The following EVI5 variants were observed in gnomAD, a reference collection of about 807,000 sequenced individuals.
EVI5 encodes the protein ecotropic viral integration site 5, also known as ecotropic viral integration site 5 protein homolog.
In EVI5, 73 loss-of-function variants were observed where a neutral mutation model predicts 112.0. The observed-to-expected ratio is 0.65, with a 90% CI of 0.54 to 0.79. The LOEUF (loss-of-function observed/expected upper bound fraction) is 0.79. Ranked by LOEUF, EVI5 falls within the 30% of genes least tolerant of loss-of-function variation. The pLI is 0.00. For synonymous variants in EVI5, 305 were observed against 319.9 expected, an observed-to-expected ratio of 0.95 and a Z score of 0.50; for missense variants, 900 against 968.8, an observed-to-expected ratio of 0.93 and a Z score of 0.94.
chr1:92,561,612 T>TCTAC (rs1382329723), intron 19 of EVI5, among the ~76,000 whole-genome samples: 5 of 24,412 alleles, frequency 2.0e-4, no homozygotes, highest in Non-Finnish European at 2.7e-4. Context: ...ATCTATCCTA[T>TCTAC]CTATCTATCT....
chr1:92,618,499 G>T (rs1234219908), intron 16 of EVI5, among the ~76,000 whole-genome samples: 2 of 152,186 alleles, frequency 1.3e-5, no homozygotes, highest in African/African-American at 2.4e-5. Flanking sequence ...CACAACGGAG[G>T]TAAAGAAGAG....
chr1:92,540,935 G>T lies in EVI5; in HGVS notation c.2166+22707C>A, dbSNP rs896068878. Among the ~76,000 whole-genome samples, 3 of 152,112 alleles carry T rather than the reference G, an allele frequency of 2.0e-5. No individual in the cohort carries two copies. In the East Asian group the frequency reaches 5.8e-4, roughly 29 times the overall value. Reference sequence around the variant, plus strand: ...CTAAAAATACAAAAATTAGCCAGGCGTGGTGGCAGGCACCTGTAATCCAAG... The same window carrying T: ...CTAAAAATACAAAAATTAGCCAGGCTTGGTGGCAGGCACCTGTAATCCAAG... On this transcript the variant is annotated intron_variant, in intron 19 of 19. Transcript: ENST00000684568.
intron 1 of EVI5, among the ~76,000 whole-genome samples, chr1:92,744,410 A>ACAGACAATAGACCATTGT (rs1416902632): frequency 3.9e-5 from 6 of 152,162 alleles, no homozygotes; most frequent in African/African-American, 1.4e-4. Context: ...GAGGCATCCA[A>ACAGACAATAGACCATTGT]CTATAATAGT....
rs1659243237 is a variant in EVI5 at position 92,512,444 on chromosome 1, G to T, written c.*1212C>A. On this transcript the variant is annotated 3_prime_UTR_variant, in exon 20 of 20. Transcript: ENST00000684568. The stretch of plus-strand genomic sequence containing the variant: ...CATCAGTTATGAATCTGCTAGTATT[G>T]AATGCTAAGCAAAATACTAAAGCTC... 1.3e-5 allele frequency: 2 copies of T among 152,200 alleles called. No individual in the cohort carries two copies. Among genetic ancestry groups the T allele is most frequent in the South Asian group, 4.1e-4 (2 of 4,828 alleles). The allele number at this position is 152,200 out of a possible 1,614,324, so 9.4% of individuals were successfully genotyped here. A position where few individuals can be genotyped will look rare whatever the true frequency, so the allele number is the denominator to read the frequency against.
In EVI5 at chr1:92,759,758, A is replaced by T. The variant is rs963836211; in HGVS notation, c.-81-23131T>A. ...CTTTTCTGTCTGGCTTATTTTACTT[A>T]GCATAATGTTTTCAAGGTTCATCCA... On this transcript the variant is annotated intron_variant, in intron 1 of 19. Transcript: ENST00000684568. Among the ~76,000 whole-genome samples the T allele has an allele frequency of 5.3e-5, 8 of 152,246 alleles. 1 individual carries two copies. The South Asian group carries it at 1.2e-3, about 24-fold the overall frequency.
intron 19 of EVI5, among the ~76,000 whole-genome samples, chr1:92,561,581 ATCT>A (rs1387567532): frequency 8.0e-5 from 12 of 150,632 alleles, no homozygotes; most frequent in African/African-American, 2.0e-4. Flanking sequence ...CTATCTATCT[ATCT>A]ATCTATCTAT....
At chr1:92,548,664 C>G (rs1448709755) in intron 19 of EVI5, among the ~76,000 whole-genome samples, 3 of 152,166 alleles carry the variant, frequency 2.0e-5, no homozygotes, top group Non-Finnish European at 4.4e-5. Flanking sequence ...GATACAAAAT[C>G]AATGTGCAAA....
rs1418028462 is a variant in EVI5 at position 92,513,859 on chromosome 1, C to A, written c.2278G>T (p.Asp760Tyr). 33 of 1,613,472 alleles carry A rather than the reference C, an allele frequency of 2.0e-5. No homozygotes were observed. Among genetic ancestry groups the A allele is most frequent in the Non-Finnish European group, 2.7e-5 (32 of 1,179,716 alleles). The part of the protein sequence containing the change: ...DDESFHSSDE[D>Y]FIDNSLQETG... ...TCCTGTAAGGAATTATCTATAAAAT[C>A]TTCATCGGAGGAATGGAATGATTCA... Residue 760 changes from aspartate (D) to tyrosine (Y), a missense_variant, in exon 20 of 20, where the codon GAT becomes TAT. Coordinates refer to ENST00000684568, the MANE Select transcript of EVI5 (RefSeq NM_001350197.2).
intron 2 of EVI5, among the ~76,000 whole-genome samples, chr1:92,726,124 C>A (rs370976536): frequency 5.3e-5 from 8 of 152,146 alleles, no homozygotes; most frequent in African/African-American, 1.9e-4. Context: ...AAAGAAGAGG[C>A]AAGAAAGGGA....
chr1:92,548,070 C>G (rs1385234120), intron 19 of EVI5, among the ~76,000 whole-genome samples: 1 of 152,202 alleles, frequency 6.6e-6, no homozygotes, highest in Non-Finnish European at 1.5e-5. Context: ...ACCAATATCC[C>G]TGATGAACAT....
In EVI5 at chr1:92,535,372, T is replaced by C. The variant is rs572863850; in HGVS notation, c.2167-21402A>G. Among the ~76,000 whole-genome samples the C allele has an allele frequency of 2.0e-5, 3 of 152,266 alleles. No homozygotes were observed. The East Asian group carries it at 5.8e-4, about 29-fold the overall frequency. On this transcript the variant is annotated intron_variant, in intron 19 of 19. Coordinates refer to ENST00000684568, the MANE Select transcript of EVI5 (RefSeq NM_001350197.2). ...TGGTGATTCCTCAAGGATCTAGAACTAGAAATACCATTTGACCCAGCAATC... is the reference window on the plus strand; with the variant it reads ...TGGTGATTCCTCAAGGATCTAGAACCAGAAATACCATTTGACCCAGCAATC...
chr1:92,514,392 GC>G (rs2101634995), intron 19 of EVI5, among the ~76,000 whole-genome samples: 1 of 152,246 alleles, frequency 6.6e-6, no homozygotes, highest in South Asian at 2.1e-4. Context: ...CTGGGCTCAA[GC>G]AATCTGCCTG....
chr1:92,587,239 T>A (rs1672953447), intron 18 of EVI5, among the ~76,000 whole-genome samples: 1 of 152,140 alleles, frequency 6.6e-6, no homozygotes, highest in African/African-American at 2.4e-5. Flanking sequence ...TCCTGACAAT[T>A]AATATTAAGA....
chr1:92,676,939 C>G (rs1213626083), intron 10 of EVI5, among the ~76,000 whole-genome samples: 1 of 152,128 alleles, frequency 6.6e-6, no homozygotes, highest in Admixed American at 6.6e-5. Context: ...TGATGAGCCA[C>G]CAACAAATCT....
intron 9 of EVI5, 48 bp downstream of exon 9, chr1:92,693,754 T>C: frequency 3.1e-6 from 3 of 978,940 alleles, no homozygotes; most frequent in African/African-American, 1.6e-5. Flanking sequence ...ATCACTAGAA[T>C]GTTTTGCAAC....
intron 9 of EVI5, among the ~76,000 whole-genome samples, chr1:92,682,480 G>T (rs180856636): frequency 6.6e-6 from 1 of 152,116 alleles, no homozygotes; most frequent in African/African-American, 2.4e-5. Flanking sequence ...AACAGTCTTC[G>T]GCCAGGCATG....
At chr1:92,677,070 T>C (rs1169390189) in intron 10 of EVI5, 88 bp downstream of exon 10, 2 of 809,838 alleles carry the variant, frequency 2.5e-6, no homozygotes, top group Non-Finnish European at 4.1e-6. Context: ...AATACATTTA[T>C]GAATATAAGA....
intron 19 of EVI5, among the ~76,000 whole-genome samples, chr1:92,539,902 T>C (rs1664526475): frequency 6.6e-6 from 1 of 152,172 alleles, no homozygotes; most frequent in African/African-American, 2.4e-5. Context: ...GAACCACTAA[T>C]CTACTTTCTT....
intron 19 of EVI5, among the ~76,000 whole-genome samples, chr1:92,555,705 C>A (rs1228732723): frequency 6.6e-6 from 1 of 151,958 alleles, no homozygotes; most frequent in Non-Finnish European, 1.5e-5. Context: ...AAAAAATTAA[C>A]CAGGTGTGGC....
Sources: allele counts gnomAD v4.1 joint callset (sites outside exome capture counted in the v4.1 genomes callset), GRCh38; gene constraint gnomAD v4.1.1; transcripts MANE v1.5; gene names NCBI Gene and HGNC (gene_info 2026-07-23, HGNC 2026-07-21).